Variants in CSMD1 observed in about 807,000 individuals in gnomAD.
CSMD1 encodes the protein CUB and Sushi multiple domains 1, also known as CUB and sushi domain-containing protein 1.
In CSMD1, 213 loss-of-function variants were observed where a neutral mutation model predicts 417.5. The ratio of observed to expected loss-of-function variants is 0.51; its 90% CI spans 0.46 to 0.57. The LOEUF is 0.57. Ranked by LOEUF, CSMD1 falls within the 20% of genes least tolerant of loss-of-function variation. The pLI, the probability that CSMD1 is intolerant of heterozygous loss-of-function variation, is 0.00. For missense variants in CSMD1, 6,923 were observed against 4,529.7 expected (o/e 1.53, Z -15.17); for synonymous variants, 2,862 against 1,736.8 (o/e 1.65, Z -16.11).
intron 3 of CSMD1, among the ~76,000 whole-genome samples, chr8:4,059,900 TC>T (rs1341186226): frequency 6.6e-6 from 1 of 151,434 alleles, no homozygotes; most frequent in African/African-American, 2.4e-5. Flanking sequence ...CTGAAACTAT[TC>T]CAATCAATAG....
chr8:4,637,459 A>G lies in CSMD1; in HGVS notation c.185T>C (p.Ile62Thr), dbSNP rs1012562252. The G allele has an allele frequency of 6.2e-7, 1 of 1,613,876 alleles. No individual in the cohort carries two copies. The highest frequency in any genetic ancestry group is 8.5e-7 in the Non-Finnish European group (1 of 1,179,870). ...YPNYANCTWI[I>T]ITGERNRIQL... ...TATCCTATTGCGCTCGCCCGTGATG[A>G]TGATCCAGGTGCAGTTGGCATAGTT... Residue 62 changes from isoleucine (I) to threonine (T), a missense_variant, in exon 2 of 70, where the codon ATC becomes ACC. By Grantham distance (89) the Ile-to-Thr change is moderately conservative (BLOSUM62 -1). Coordinates refer to ENST00000635120, the MANE Select transcript of CSMD1 (RefSeq NM_033225.6).
rs553661030 is a variant in CSMD1 at position 3,080,347 on chromosome 8, G to C, written c.7474+6750C>G. Reference sequence around the variant, plus strand: ...TGGCAGAGTTTCTTGCTTTAAGGCAGGAAATGAAGCCTGAGGACAGAAGAT... The same window carrying C: ...TGGCAGAGTTTCTTGCTTTAAGGCACGAAATGAAGCCTGAGGACAGAAGAT... On this transcript the variant is annotated intron_variant, in intron 49 of 69. Coordinates refer to ENST00000635120, the MANE Select transcript of CSMD1 (RefSeq NM_033225.6). Among the ~76,000 whole-genome samples, 10 of 152,336 alleles carry C rather than the reference G, an allele frequency of 6.6e-5. No homozygotes were observed. The South Asian group carries it at 2.1e-3, about 32-fold the overall frequency.
chr8:4,536,129 TC>T (rs1158070605), intron 2 of CSMD1, among the ~76,000 whole-genome samples: 9 of 152,206 alleles, frequency 5.9e-5, no homozygotes, highest in Admixed American at 2.0e-4. Flanking sequence ...TTGACAAGGT[TC>T]CTTTCTGTAT....
At chr8:4,193,988 T>G (rs1799189389) in intron 3 of CSMD1, among the ~76,000 whole-genome samples, 2 of 152,094 alleles carry the variant, frequency 1.3e-5, no homozygotes, top group African/African-American at 4.8e-5. Context: ...GTTCTATGAT[T>G]ACTATATATC....
chr8:3,474,424 C>T (rs1817290732), intron 11 of CSMD1, among the ~76,000 whole-genome samples: 1 of 151,972 alleles, frequency 6.6e-6, no homozygotes, highest in Non-Finnish European at 1.5e-5. Context: ...ATTTATTTAT[C>T]CCTTGATGTA....
chr8:4,571,050 C>G lies in CSMD1; in HGVS notation c.302+66292G>C, dbSNP rs575780421. On this transcript the variant is annotated intron_variant, in intron 2 of 69. Transcript: ENST00000635120. Reference sequence around the variant, plus strand: ...TTCTCTCTTCTTCTTCTTTATTAGTCTGGCTAGCAGTCTATCAATTTGTTA... The same window carrying G: ...TTCTCTCTTCTTCTTCTTTATTAGTGTGGCTAGCAGTCTATCAATTTGTTA... Among the ~76,000 whole-genome samples the G allele has an allele frequency of 2.6e-5, 4 of 152,080 alleles. No homozygotes were observed. The South Asian group carries it at 8.3e-4, about 32-fold the overall frequency.
At chr8:3,859,977 G>C (rs956599849) in intron 5 of CSMD1, among the ~76,000 whole-genome samples, 2 of 152,180 alleles carry the variant, frequency 1.3e-5, no homozygotes, top group East Asian at 1.9e-4. Context: ...TTTCAAGCCT[G>C]AGGGTGGTTT....
At chr8:3,908,564 C>A (rs1808260408) in intron 5 of CSMD1, among the ~76,000 whole-genome samples, 1 of 152,124 alleles carries the variant, frequency 6.6e-6, no homozygotes, top group South Asian at 2.1e-4. Context: ...AGCTATGGAG[C>A]TCACATTTGC....
At chr8:4,119,659 C>G (rs1257657818) in intron 3 of CSMD1, among the ~76,000 whole-genome samples, 3 of 152,152 alleles carry the variant, frequency 2.0e-5, no homozygotes, top group Admixed American at 1.3e-4. Context: ...CACACAAGCA[C>G]ACACTTGCAA....
chr8:4,517,896 T>C (rs959641344), intron 2 of CSMD1, among the ~76,000 whole-genome samples: 50 of 152,310 alleles, frequency 3.3e-4, no homozygotes, highest in African/African-American at 1.0e-3. Context: ...TTGAGTAGGG[T>C]GTCTAGTAAC....
chr8:4,187,547 G>C (rs1486577639), intron 3 of CSMD1, among the ~76,000 whole-genome samples: 1 of 151,960 alleles, frequency 6.6e-6, no homozygotes, highest in Non-Finnish European at 1.5e-5. Context: ...GGGAGACTCA[G>C]GTAGGAGAAT....
At chr8:3,943,893 A>T (rs1585008950) in intron 5 of CSMD1, among the ~76,000 whole-genome samples, 1 of 152,242 alleles carries the variant, frequency 6.6e-6, no homozygotes, top group African/African-American at 2.4e-5. Flanking sequence ...AGCTAAATGC[A>T]ACCTGTGATG....
At chr8:3,196,639 G>T (rs1324639668) in intron 33 of CSMD1, among the ~76,000 whole-genome samples, 3 of 152,164 alleles carry the variant, frequency 2.0e-5, no homozygotes, top group African/African-American at 7.2e-5. Context: ...CACAGCTGAT[G>T]AAGTGGTTGC....
chr8:4,131,639 T>G (rs762406115), intron 3 of CSMD1, among the ~76,000 whole-genome samples: 2 of 152,054 alleles, frequency 1.3e-5, no homozygotes, highest in Non-Finnish European at 2.9e-5. Context: ...CTTGACTAGT[T>G]CTCAAGTAAA....
At chr8:4,312,698 G>A (rs964076603) in intron 3 of CSMD1, among the ~76,000 whole-genome samples, 1 of 151,818 alleles carries the variant, frequency 6.6e-6, no homozygotes, top group East Asian at 1.9e-4. Flanking sequence ...CCAACCTGAC[G>A]AAACCCCATT....
chr8:4,048,781 G>T (rs1262823761), intron 3 of CSMD1, among the ~76,000 whole-genome samples: 3 of 152,138 alleles, frequency 2.0e-5, no homozygotes, highest in East Asian at 1.9e-4. Context: ...TGTGTTACAT[G>T]AATGTTATTA....
At chr8:4,065,771 C>A (rs182390131) in intron 3 of CSMD1, among the ~76,000 whole-genome samples, 90 of 152,262 alleles carry the variant, frequency 5.9e-4, no homozygotes, top group African/African-American at 2.0e-3. Flanking sequence ...ATTTGGGGAA[C>A]TACAGCAAAT....
At chr8:3,766,813 C>A (rs1163750728) in intron 5 of CSMD1, among the ~76,000 whole-genome samples, 1 of 152,066 alleles carries the variant, frequency 6.6e-6, no homozygotes, top group African/African-American at 2.4e-5. Context: ...CAAGTCTTAT[C>A]CTAGCTCATT....
intron 3 of CSMD1, among the ~76,000 whole-genome samples, chr8:4,078,049 G>A (rs538261608): frequency 5.4e-4 from 82 of 152,226 alleles, no homozygotes; most frequent in African/African-American, 2.0e-3. Context: ...CCAGTAGGGA[G>A]TAGGAAAAAA....
Sources: gnomAD v4.1 joint callset for allele counts (sites outside exome capture counted in the v4.1 genomes callset) on GRCh38, gnomAD v4.1.1 for gene constraint, MANE v1.5 for transcripts, NCBI Gene and HGNC (gene_info 2026-07-23, HGNC 2026-07-21) for gene names.